SPTSSB: variants seen among roughly 807,000 people sequenced by gnomAD.
SPTSSB encodes the protein serine palmitoyltransferase small subunit B.
A neutral mutation model predicts 7.7 loss-of-function variants in SPTSSB; 6 were observed. The observed-to-expected ratio is 0.78, with a 90% confidence interval of 0.43 to 1.54. The LOEUF (loss-of-function observed/expected upper bound fraction) is 1.54. SPTSSB is among the 40% of genes most tolerant of loss of function. The pLI, the probability that SPTSSB is intolerant of heterozygous loss-of-function variation, is 0.01. For missense variants in SPTSSB, 91 were observed against 93.0 expected (o/e 0.98, Z 0.09); for synonymous variants, 28 against 29.7 (o/e 0.94, Z 0.19).
chr3:161,361,227 G>T (rs181465978), intron 1 of SPTSSB, among the ~76,000 whole-genome samples: 404 of 152,192 alleles, frequency 2.7e-3, no homozygotes, highest in Non-Finnish European at 4.8e-3. Context: ...TTGCAGAGGT[G>T]AATCTTAGGA....
chr3:161,371,406 T>C (rs1715503105), intron 1 of SPTSSB, 29 bp downstream of exon 1: 1 of 981,948 alleles, frequency 1.0e-6, no homozygotes, highest in Middle Eastern at 5.2e-4. Context: ...TACTTAACAG[T>C]TCAAGTAGGT....
intron 2 of SPTSSB, among the ~76,000 whole-genome samples, chr3:161,355,617 A>G (rs1714737381): frequency 6.6e-6 from 1 of 152,248 alleles, no homozygotes; most frequent in Admixed American, 6.5e-5. Context: ...GATTTCACTT[A>G]CATGAGGTAT....
intron 1 of SPTSSB, among the ~76,000 whole-genome samples, chr3:161,369,376 CTT>C (rs1382224906): frequency 2.1e-5 from 1 of 46,542 alleles, no homozygotes; most frequent in African/African-American, 9.9e-5. Flanking sequence ...CTCTGTCTCT[CTT>C]TCTTTCCTTT....
rs536171930 is a variant in SPTSSB, at chr3:161,371,123, A to G, written c.-126+312T>C. On this transcript the variant is annotated intron_variant, in intron 1 of 2. Coordinates refer to ENST00000620149, the MANE Select transcript of SPTSSB (RefSeq NM_001040100.2). ...TAAGAAGGAAACCAAGCACAACCCAATGATATTTTCCTGAGTCGTTAATGG... is the reference window on the plus strand; with the variant it reads ...TAAGAAGGAAACCAAGCACAACCCAGTGATATTTTCCTGAGTCGTTAATGG... Among the ~76,000 whole-genome samples the G allele has an allele frequency of 3.3e-5, 5 of 152,286 alleles. No individual in the cohort carries two copies. In the South Asian group the frequency reaches 6.2e-4, roughly 19 times the overall value.
chr3:161,369,348 C>CTT (rs1368264841), intron 1 of SPTSSB, among the ~76,000 whole-genome samples: 2 of 40,704 alleles, frequency 4.9e-5, no homozygotes, highest in Admixed American at 6.2e-4. Context: ...TTCTTTCTTT[C>CTT]TTTCTCTTTC....
intron 1 of SPTSSB, among the ~76,000 whole-genome samples, chr3:161,368,904 C>A (rs1041939456): frequency 6.6e-6 from 1 of 152,172 alleles, no homozygotes; most frequent in African/African-American, 2.4e-5. Context: ...ATTTTCATTG[C>A]TGAATAATAT....
intron 2 of SPTSSB, among the ~76,000 whole-genome samples, chr3:161,358,449 T>G (rs1416578864): frequency 6.6e-6 from 1 of 152,106 alleles, no homozygotes; most frequent in Non-Finnish European, 1.5e-5. Context: ...TTTCTCCAGC[T>G]GGAGAACAGG....
Position 161,346,191 on chromosome 3 carries a change from C to T in SPTSSB, c.133G>A (p.Val45Met). 3 of 1,612,230 alleles carry T rather than the reference C, an allele frequency of 1.9e-6. No homozygotes were observed. Among genetic ancestry groups the T allele is most frequent in the African/African-American group, 1.3e-5 (1 of 75,000 alleles). Residue 45 changes from valine to methionine, a missense_variant, in exon 3 of 3, where the codon GTG (valine) becomes ATG (methionine). Transcript: ENST00000620149. ...NTILLTIIAM[V>M]VYTAYVFIPI... ...ATAAAGACATAGGCAGTGTATACCACCATAGCAATAATGGTTAGTAAGATG... is the reference window on the plus strand; with the variant it reads ...ATAAAGACATAGGCAGTGTATACCATCATAGCAATAATGGTTAGTAAGATG...
Position 161,357,332 on chromosome 3 carries a change from A to G in SPTSSB, c.-33+2470T>C, listed in dbSNP as rs550151291. On this transcript the variant is annotated intron_variant, in intron 2 of 2. Transcript: ENST00000620149. ...AAAACTCTCATTGACAATTTAGCCAAGTGGATTTCTGATTCTCCTGAGAAT... is the reference window on the plus strand; with the variant it reads ...AAAACTCTCATTGACAATTTAGCCAGGTGGATTTCTGATTCTCCTGAGAAT... 2.0e-5 allele frequency among the ~76,000 whole-genome samples: 3 copies of G among 152,344 alleles called. No homozygotes were observed. In the East Asian group the frequency reaches 5.8e-4, roughly 29 times the overall value.
At chr3:161,351,905 A>T (rs942837863) in intron 2 of SPTSSB, among the ~76,000 whole-genome samples, 4 of 152,204 alleles carry the variant, frequency 2.6e-5, no homozygotes, top group African/African-American at 9.7e-5. Flanking sequence ...GCCACTAGTC[A>T]CACATGACAA....
At chr3:161,351,525 C>A (rs969518260) in intron 2 of SPTSSB, among the ~76,000 whole-genome samples, 5 of 152,008 alleles carry the variant, frequency 3.3e-5, no homozygotes, top group East Asian at 1.9e-4. Context: ...TTTAAAATTT[C>A]TTAAACACAA....
intron 2 of SPTSSB, among the ~76,000 whole-genome samples, chr3:161,348,844 G>T (rs1353655968): frequency 6.6e-6 from 1 of 152,086 alleles, no homozygotes; most frequent in Non-Finnish European, 1.5e-5. Flanking sequence ...AAGACAGTTT[G>T]TGTGTCATTT....
chr3:161,364,951 T>C (rs336581), intron 1 of SPTSSB, among the ~76,000 whole-genome samples: 13,231 of 152,210 alleles, frequency 0.087, 705 homozygotes, highest in East Asian at 0.24. Context: ...AAATTCTCTT[T>C]TTAATATTTT....
intron 1 of SPTSSB, among the ~76,000 whole-genome samples, chr3:161,364,617 T>G (rs897703203): frequency 8.6e-5 from 13 of 151,986 alleles, no homozygotes; most frequent in Non-Finnish European, 1.6e-4. Flanking sequence ...AAAAAGATAA[T>G]ACAACACCCT....
At chr3:161,359,111 T>G (rs73878307) in intron 2 of SPTSSB, among the ~76,000 whole-genome samples, 6,311 of 151,846 alleles carry the variant, frequency 0.042, 177 homozygotes, top group East Asian at 0.085. Context: ...TATCTAGGTG[T>G]TTTTTTTGTA....
At chr3:161,368,020 T>C (rs1715290078) in intron 1 of SPTSSB, among the ~76,000 whole-genome samples, 1 of 152,238 alleles carries the variant, frequency 6.6e-6, no homozygotes, top group African/African-American at 2.4e-5. Context: ...ACTATACTAA[T>C]GACATTTGAC....
chr3:161,369,352 C>CTTTCTTTCTTTCTTTCTT (rs71149709), intron 1 of SPTSSB, among the ~76,000 whole-genome samples: 64 of 50,698 alleles, frequency 1.3e-3, no homozygotes, highest in Middle Eastern at 0.011. Flanking sequence ...TTCTTTCTTT[C>CTTTCTTTCTTTCTTTCTT]TCTTTCTTTC....
rs9822705 is a variant in SPTSSB, at chr3:161,361,358, A to C, written c.-125-1464T>G. Among the ~76,000 whole-genome samples, 3 of 152,262 alleles carry C rather than the reference A, an allele frequency of 2.0e-5. No homozygotes were observed. In the South Asian group the frequency reaches 6.2e-4, roughly 32 times the overall value. On this transcript the variant is annotated intron_variant, in intron 1 of 2. Coordinates refer to ENST00000620149, the MANE Select transcript of SPTSSB (RefSeq NM_001040100.2). ...CAACACCTTCTAAGTGTTGCTATGC[A>C]TCAGGAGGCAGGTTTTAAGAAGATA...
At chr3:161,347,734 ATGG>A (rs1714321886) in intron 2 of SPTSSB, among the ~76,000 whole-genome samples, 1 of 151,618 alleles carries the variant, frequency 6.6e-6, no homozygotes, top group South Asian at 2.1e-4. Flanking sequence ...TTAGCTGGGC[ATGG>A]TGGTGGGCAC....
Sources: gnomAD v4.1 joint callset for allele counts (sites outside exome capture counted in the v4.1 genomes callset) on GRCh38, gnomAD v4.1.1 for gene constraint, MANE v1.5 for transcripts, NCBI Gene and HGNC (gene_info 2026-07-23, HGNC 2026-07-21) for gene names.